Variants in GALM observed in about 807,000 individuals in gnomAD.
GALM encodes the protein galactose mutarotase.
In GALM, 43 loss-of-function variants were observed where a neutral mutation model predicts 37.4. The observed-to-expected ratio is 1.15, with a 90% CI of 0.90 to 1.48. The LOEUF (loss-of-function observed/expected upper bound fraction) is 1.48, where lower values mean the gene tolerates loss of function less well. Among genes scored for constraint, GALM ranks in the 40% most tolerant of loss-of-function variants. GALM has a pLI of 0.00. For missense variants in GALM, 456 were observed against 419.1 expected (o/e 1.09, Z -0.77); for synonymous variants, 199 against 170.6 (o/e 1.17, Z -1.30).
intron 4 of GALM, among the ~76,000 whole-genome samples, chr2:38,690,896 A>T (rs1453794311): frequency 1.3e-5 from 2 of 152,218 alleles, no homozygotes; most frequent in Admixed American, 6.5e-5. Flanking sequence ...TGGAATAATA[A>T]TGAAAAATTG....
intron 4 of GALM, among the ~76,000 whole-genome samples, chr2:38,694,942 G>C (rs977767498): frequency 1.5e-4 from 22 of 149,488 alleles, no homozygotes; most frequent in African/African-American, 4.7e-4. Context: ...TCAAGGGAAA[G>C]TCACCTCAGG....
chr2:38,688,720 G>A (rs372700803), intron 3 of GALM, among the ~76,000 whole-genome samples: 2 of 152,194 alleles, frequency 1.3e-5, no homozygotes, highest in African/African-American at 4.8e-5. Flanking sequence ...CATGTATAAA[G>A]TTATTTGCCG....
intron 4 of GALM, among the ~76,000 whole-genome samples, chr2:38,693,340 G>T (rs10194503): frequency 6.6e-6 from 1 of 152,004 alleles, no homozygotes; most frequent in African/African-American, 2.4e-5. Context: ...AAAATTAGCT[G>T]GGTGTGATGG....
chr2:38,731,052 C>T (rs1003217901), intron 5 of GALM, among the ~76,000 whole-genome samples: 4 of 151,924 alleles, frequency 2.6e-5, no homozygotes, highest in Non-Finnish European at 1.5e-5. Context: ...ATGATGAAAC[C>T]CCGACAATAC....
chr2:38,723,464 T>C (rs545386575), intron 4 of GALM, among the ~76,000 whole-genome samples: 94 of 152,298 alleles, frequency 6.2e-4, no homozygotes, highest in Non-Finnish European at 1.2e-3. Context: ...ATGAGCGTTC[T>C]TTCAGAACAG....
intron 4 of GALM, among the ~76,000 whole-genome samples, chr2:38,717,767 G>A (rs1222987259): frequency 6.6e-6 from 1 of 151,980 alleles, no homozygotes; most frequent in Non-Finnish European, 1.5e-5. Flanking sequence ...AGATCAGTGA[G>A]TAAGTCCATG....
intron 3 of GALM, among the ~76,000 whole-genome samples, chr2:38,686,228 CTTT>C (rs1665516951): frequency 6.4e-5 from 1 of 15,654 alleles, no homozygotes; most frequent in Non-Finnish European, 1.1e-4. Flanking sequence ...AAATTTCTTT[CTTT>C]CTTTCTTTCT....
intron 2 of GALM, among the ~76,000 whole-genome samples, chr2:38,678,491 T>G (rs1038459280): frequency 2.0e-5 from 3 of 152,208 alleles, no homozygotes; most frequent in African/African-American, 7.2e-5. Context: ...GTGTCCTTTC[T>G]CTACAAAAGA....
intron 4 of GALM, among the ~76,000 whole-genome samples, chr2:38,706,091 C>T (rs776861728): frequency 5.3e-5 from 8 of 151,900 alleles, no homozygotes; most frequent in South Asian, 2.1e-4. Context: ...CTGCAACCTC[C>T]GCCTCCCAGG....
At chr2:38,682,551 C>T (rs1296728917) in intron 3 of GALM, among the ~76,000 whole-genome samples, 3 of 152,058 alleles carry the variant, frequency 2.0e-5, no homozygotes, top group South Asian at 2.1e-4. Flanking sequence ...AAAAGTTGAC[C>T]CTTCACTTGC....
chr2:38,704,072 C>A (rs1338717041), intron 4 of GALM, among the ~76,000 whole-genome samples: 9 of 146,498 alleles, frequency 6.1e-5, no homozygotes, highest in African/African-American at 2.0e-4. Flanking sequence ...AAAATAAATT[C>A]TATGTAAAAT....
chr2:38,674,874 T>C (rs1438895101), intron 1 of GALM, among the ~76,000 whole-genome samples: 2 of 152,068 alleles, frequency 1.3e-5, no homozygotes, highest in Non-Finnish European at 2.9e-5. Flanking sequence ...TACAATAAGA[T>C]GTTTTGAAAG....
At chr2:38,683,312 C>A (rs1320678177) in intron 3 of GALM, among the ~76,000 whole-genome samples, 1 of 152,124 alleles carries the variant, frequency 6.6e-6, no homozygotes, top group Non-Finnish European at 1.5e-5. Context: ...AGATCATAGA[C>A]CCCACCCAAA....
intron 4 of GALM, among the ~76,000 whole-genome samples, chr2:38,691,739 T>TAA (rs1553381727): frequency 6.6e-6 from 1 of 150,782 alleles, no homozygotes; most frequent in African/African-American, 2.4e-5. Context: ...TTTTTTTTTT[T>TAA]AAAAAAGACC....
At chr2:38,705,220 G>C (rs1157378664) in intron 4 of GALM, among the ~76,000 whole-genome samples, 2 of 152,162 alleles carry the variant, frequency 1.3e-5, no homozygotes, top group Non-Finnish European at 2.9e-5. Context: ...TTCATTCCTG[G>C]TGCATAGCCA....
At chr2:38,726,614 G>T (rs891868360) in intron 4 of GALM, among the ~76,000 whole-genome samples, 12 of 152,062 alleles carry the variant, frequency 7.9e-5, no homozygotes, top group African/African-American at 2.9e-4. Context: ...ACAAATGCAA[G>T]CCGAAGTAGT....
chr2:38,712,818 T>C (rs1666197347), intron 4 of GALM, among the ~76,000 whole-genome samples: 1 of 152,130 alleles, frequency 6.6e-6, no homozygotes, highest in African/African-American at 2.4e-5. Context: ...GTATGTTTAT[T>C]TGGGGCGATG....
chr2:38,696,339 G>C (rs1027190931), intron 4 of GALM, among the ~76,000 whole-genome samples: 1 of 151,522 alleles, frequency 6.6e-6, no homozygotes, highest in Non-Finnish European at 1.5e-5. Context: ...GGCTGGTCTT[G>C]AACTCCTGAC....
intron 5 of GALM, 96 bp from the exon 6 acceptor site, chr2:38,731,639 C>G: frequency 1.2e-6 from 1 of 850,116 alleles, no homozygotes. Context: ...TGCTCTGTGG[C>G]TGGGTCTGAT....
Sources: allele counts gnomAD v4.1 joint callset (sites outside exome capture counted in the v4.1 genomes callset), GRCh38; gene constraint gnomAD v4.1.1; transcripts MANE v1.5; gene names NCBI Gene and HGNC (gene_info 2026-07-23, HGNC 2026-07-21).